The following RIC3 variants were observed in gnomAD, a reference collection of about 807,000 sequenced individuals.
The protein encoded by RIC3 is RIC3 acetylcholine receptor chaperone.
RIC3 carries 28 observed loss-of-function variants against 27.3 expected under a neutral mutation model. That is an observed-to-expected ratio of 1.02 (90% CI 0.76 to 1.41). The LOEUF is 1.41. Ranked by LOEUF, RIC3 falls within the 40% of genes most tolerant of loss-of-function variation. The pLI is 0.00. For synonymous variants in RIC3, 184 were observed against 160.4 expected, an observed-to-expected ratio of 1.15 and a Z score of -1.11; for missense variants, 501 against 444.7, an observed-to-expected ratio of 1.13 and a Z score of -1.14.
At chr11:8,096,079 T>A in the RIC3 span, among the ~76,000 whole-genome samples, 3 of 152,152 alleles carry the variant, frequency 2.0e-5, no homozygotes, top group Non-Finnish European at 4.4e-5. Context: ...TGCCACACAT[T>A]GTGAGGAATC....
At chr11:8,145,181 A>T (rs143945343) in intron 1 of RIC3, among the ~76,000 whole-genome samples, 7,680 of 134,664 alleles carry the variant, frequency 0.057, 322 homozygotes, top group African/African-American at 0.15. Flanking sequence ...AAAGTATAAT[A>T]AAAAAAAATT....
intron 1 of RIC3, among the ~76,000 whole-genome samples, chr11:8,147,185 C>T (rs1949772817): frequency 6.6e-6 from 1 of 152,188 alleles, no homozygotes; most frequent in Admixed American, 6.5e-5. Context: ...AGTTATCCCG[C>T]CTTTCCAGAC....
chr11:8,148,309 A>G (rs1057091524), intron 1 of RIC3, among the ~76,000 whole-genome samples: 9 of 152,228 alleles, frequency 5.9e-5, no homozygotes, highest in African/African-American at 1.9e-4. Context: ...GCTGGTGACT[A>G]TGCCCCTTTT....
chr11:8,151,916 CAAAA>C (rs541424394), intron 1 of RIC3, among the ~76,000 whole-genome samples: 2 of 81,106 alleles, frequency 2.5e-5, no homozygotes, highest in Non-Finnish European at 2.7e-5. Flanking sequence ...GACTCGGTCT[CAAAA>C]AAAAAAAAAA....
rs1944641488 is a variant in RIC3 at position 8,106,291 on chromosome 11, CTAATTTT to C, written c.*4400_*4406del. On this transcript the variant is annotated 3_prime_UTR_variant, in exon 6 of 6. Coordinates refer to ENST00000309737, the MANE Select transcript of RIC3 (RefSeq NM_001206671.4). ...AGGGGAAAAAAGCCCTGTTTACTTCCTAATTTTTTTCTATACCTTTCATTCATTGTTT... is the reference window on the plus strand; with the variant it reads ...AGGGGAAAAAAGCCCTGTTTACTTCCTTTCTATACCTTTCATTCATTGTTT... The C allele has an allele frequency of 6.6e-6, 1 of 152,096 alleles. No homozygotes were observed. The highest frequency in any genetic ancestry group is 2.4e-5 in the African/African-American group (1 of 41,418). The allele number at this position is 152,096 out of a possible 1,614,324, so 9.4% of individuals were successfully genotyped here.
intron 2 of RIC3, chr11:8,139,683 G>C (rs1462644546): frequency 5.6e-5 from 7 of 124,224 alleles, no homozygotes; most frequent in Non-Finnish European, 9.9e-5. Context: ...GCATTGAATT[G>C]TATCACTCAC....
chr11:8,154,142 G>T (rs1380013442), intron 1 of RIC3, among the ~76,000 whole-genome samples: 1 of 151,968 alleles, frequency 6.6e-6, no homozygotes, highest in Non-Finnish European at 1.5e-5. Context: ...AATATGCCAG[G>T]TATATAAAAG....
At chr11:8,124,648 A>G (rs550438870) in intron 5 of RIC3, among the ~76,000 whole-genome samples, 1 of 152,248 alleles carries the variant, frequency 6.6e-6, no homozygotes, top group Admixed American at 6.5e-5. Context: ...CATAGTAATA[A>G]GGACCGTGTG....
chr11:8,112,778 C>T (rs1251030244), intron 5 of RIC3, among the ~76,000 whole-genome samples: 1 of 152,136 alleles, frequency 6.6e-6, no homozygotes. Flanking sequence ...TTTACTAGTC[C>T]TCTTTTCTAG....
At chr11:8,105,980 A>G (rs1944585974), downstream of RIC3, 1 of 152,000 alleles carries the variant, frequency 6.6e-6, no homozygotes, top group Non-Finnish European at 1.5e-5. Flanking sequence ...GTCTATTTGC[A>G]CAAGATTGTC....
chr11:8,121,207 T>G (rs1488855156), intron 5 of RIC3, among the ~76,000 whole-genome samples: 1 of 152,108 alleles, frequency 6.6e-6, no homozygotes, highest in African/African-American at 2.4e-5. Context: ...TAGTTAAAAT[T>G]CCATATAATT....
intron 1 of RIC3, among the ~76,000 whole-genome samples, chr11:8,152,334 TGAATA>T (rs1950314876): frequency 6.6e-6 from 1 of 152,206 alleles, no homozygotes; most frequent in South Asian, 2.1e-4. Flanking sequence ...CATCAACTTA[TGAATA>T]GATCAACAAA....
At chr11:8,114,833 G>A (rs1945673778) in intron 5 of RIC3, among the ~76,000 whole-genome samples, 1 of 151,948 alleles carries the variant, frequency 6.6e-6, no homozygotes, top group Admixed American at 6.6e-5. Context: ...TACGAGAATT[G>A]AAATGAAAAA....
At chr11:8,139,800 C>G (rs1590235018) in intron 2 of RIC3, 167 bp downstream of exon 2, 2 of 646,282 alleles carry the variant, frequency 3.1e-6, no homozygotes, top group Non-Finnish European at 5.2e-6. Context: ...TTATGTGAAA[C>G]TGAAATAATG....
the RIC3 span, chr11:8,098,690 A>C: frequency 8.1e-7 from 1 of 1,229,602 alleles, no homozygotes. Context: ...CATAGGACAG[A>C]CGATGAGCTG....
chr11:8,140,609 G>C (rs1169267895), intron 1 of RIC3, among the ~76,000 whole-genome samples: 2 of 152,204 alleles, frequency 1.3e-5, no homozygotes, highest in Admixed American at 6.5e-5. Flanking sequence ...GCCACGGGTA[G>C]AAACAGCAAA....
the RIC3 span, chr11:8,096,671 T>C: frequency 1.6e-5 from 25 of 1,549,328 alleles, no homozygotes; most frequent in African/African-American, 2.2e-4. Flanking sequence ...CTTCTTCTTC[T>C]CTCCTTGGCC....
intron 5 of RIC3, 107 bp from the exon 6 acceptor site, chr11:8,111,244 A>G: frequency 1.2e-6 from 1 of 800,822 alleles, no homozygotes; most frequent in Admixed American, 2.8e-5. Context: ...TCCTATCCTA[A>G]CAAATCCATT....
At chr11:8,101,790 A>AG, downstream of RIC3, 55 of 1,182,706 alleles carry the variant, frequency 4.7e-5, no homozygotes, top group Non-Finnish European at 5.9e-5. Flanking sequence ...TGCCTCTGCT[A>AG]CTGAGGCAGG....
Sources: gnomAD v4.1 joint callset for allele counts (sites outside exome capture counted in the v4.1 genomes callset) on GRCh38, gnomAD v4.1.1 for gene constraint, MANE v1.5 for transcripts, NCBI Gene and HGNC (gene_info 2026-07-23, HGNC 2026-07-21) for gene names.